Variants in TAPT1 observed in about 807,000 individuals in gnomAD.
The protein encoded by TAPT1 is transmembrane anterior posterior transformation protein 1 homolog.
A neutral mutation model predicts 65.6 loss-of-function variants in TAPT1; 28 were observed. The ratio of observed to expected loss-of-function variants is 0.43; its 90% CI spans 0.32 to 0.59. The LOEUF is 0.59. Among genes scored for constraint, TAPT1 ranks in the 20% least tolerant of loss-of-function variants. The pLI, the probability that TAPT1 is intolerant of heterozygous loss-of-function variation, is 0.09. For synonymous variants in TAPT1, 278 were observed against 245.2 expected, an observed-to-expected ratio of 1.13 and a Z score of -1.25; for missense variants, 563 against 679.9, an observed-to-expected ratio of 0.83 and a Z score of 1.91.
chr4:16,168,725 TTGTC>T (rs1747801456), intron 12 of TAPT1, among the ~76,000 whole-genome samples: 1 of 152,242 alleles, frequency 6.6e-6, no homozygotes, highest in Non-Finnish European at 1.5e-5. Context: ...TTTCTAGTTG[TTGTC>T]TATTTGTTGT....
At chr4:16,194,785 A>AT (rs1474737402) in intron 3 of TAPT1, among the ~76,000 whole-genome samples, 2 of 152,066 alleles carry the variant, frequency 1.3e-5, no homozygotes, top group Admixed American at 1.3e-4. Flanking sequence ...AATGACTGTG[A>AT]TTTTCAGGAG....
chr4:16,182,387 A>C (rs1748761141), intron 7 of TAPT1, among the ~76,000 whole-genome samples: 1 of 152,198 alleles, frequency 6.6e-6, no homozygotes, highest in South Asian at 2.1e-4. Context: ...AAAAATTAAA[A>C]TTTCTAGGAA....
At chr4:16,205,340 C>T (rs998517462) in intron 2 of TAPT1, among the ~76,000 whole-genome samples, 1 of 152,162 alleles carries the variant, frequency 6.6e-6, no homozygotes, top group African/African-American at 2.4e-5. Flanking sequence ...ACCTGCTAGT[C>T]GAGGATCGCT....
At chr4:16,201,729 G>C (rs1031013306) in intron 3 of TAPT1, among the ~76,000 whole-genome samples, 25 of 152,068 alleles carry the variant, frequency 1.6e-4, no homozygotes, top group African/African-American at 5.8e-4. Flanking sequence ...TATCTGTTCT[G>C]GTCTACTATG....
intron 2 of TAPT1, among the ~76,000 whole-genome samples, chr4:16,203,847 A>T (rs1008839693): frequency 6.6e-6 from 1 of 152,208 alleles, no homozygotes; most frequent in Non-Finnish European, 1.5e-5. Flanking sequence ...AATTTTTGAT[A>T]AAAATATCTC....
chr4:16,216,234 C>T (rs1185289663), intron 1 of TAPT1: 1 of 152,280 alleles, frequency 6.6e-6, no homozygotes, highest in Admixed American at 6.5e-5. Context: ...GCCCTTCCTC[C>T]TGTACCCGAT....
intron 11 of TAPT1, among the ~76,000 whole-genome samples, chr4:16,173,723 T>C (rs1748152333): frequency 2.6e-5 from 4 of 152,246 alleles, no homozygotes; most frequent in Admixed American, 1.3e-4. Context: ...CAAATGTCAC[T>C]GAAATGCAAA....
chr4:16,165,496 G>A (rs1425423953), intron 13 of TAPT1, among the ~76,000 whole-genome samples: 1 of 151,582 alleles, frequency 6.6e-6, no homozygotes, highest in Non-Finnish European at 1.5e-5. Context: ...CGTGAACCTG[G>A]GAGGCGAAGC....
At chr4:16,221,067 T>C (rs1751225668) in intron 1 of TAPT1, among the ~76,000 whole-genome samples, 1 of 151,076 alleles carries the variant, frequency 6.6e-6, no homozygotes, top group South Asian at 2.1e-4. Context: ...AGGAAAATAA[T>C]ACCAATCATA....
intron 8 of TAPT1, among the ~76,000 whole-genome samples, chr4:16,177,032 T>G (rs541929319): frequency 6.6e-6 from 1 of 152,356 alleles, no homozygotes; most frequent in Admixed American, 6.5e-5. Flanking sequence ...CTCACCATTA[T>G]GACATTTAAA....
At chr4:16,174,846 C>T (rs1748226580) in intron 9 of TAPT1, 117 bp from the exon 10 acceptor site, 1 of 686,078 alleles carries the variant, frequency 1.5e-6, no homozygotes, top group East Asian at 3.2e-5. Flanking sequence ...TGCTAATAAC[C>T]AAGCTGACAT....
At chr4:16,193,961 G>T (rs773935662) in intron 3 of TAPT1, among the ~76,000 whole-genome samples, 1 of 152,152 alleles carries the variant, frequency 6.6e-6, no homozygotes, top group African/African-American at 2.4e-5. Flanking sequence ...AGAGCTTTTC[G>T]TATTAGATGG....
Position 16,166,675 on chromosome 4 carries a change from T to C in TAPT1, c.1432A>G (p.Lys478Glu). 6.2e-7 allele frequency: 1 copy of C among 1,614,060 alleles called. No individual in the cohort carries two copies. The highest frequency in any genetic ancestry group is 8.5e-7 in the Non-Finnish European group (1 of 1,179,888). Residue 478 changes from lysine (K) to glutamate (E), a missense_variant, in exon 13 of 14, where the codon AAG (lysine) becomes GAG (glutamate). By Grantham distance (56) the Lys-to-Glu change is moderately conservative (BLOSUM62 1). Around this residue, in one of 5 missense-constraint regions of TAPT1, gnomAD observed 136 missense variants for 153.9 expected, o/e 0.88. Coordinates refer to ENST00000405303, the MANE Select transcript of TAPT1 (RefSeq NM_153365.3). ...SNPPATCTPG[K>E]PSSKSQNKCK... ...TTGTTCTGTGATTTACTGGACGGCT[T>C]GCCTGGAGTGCAGGTTGCGGGAGGA...
chr4:16,193,012 A>G (rs977869763), intron 3 of TAPT1, among the ~76,000 whole-genome samples: 2 of 152,250 alleles, frequency 1.3e-5, no homozygotes, highest in Non-Finnish European at 2.9e-5. Context: ...ACATTGCTTT[A>G]TAAGGTCACA....
chr4:16,164,068 G>A (rs888694822), intron 13 of TAPT1, among the ~76,000 whole-genome samples: 2 of 152,148 alleles, frequency 1.3e-5, no homozygotes, highest in African/African-American at 2.4e-5. Flanking sequence ...AGAGATCCTG[G>A]AGCCTGGCTT....
Position 16,161,902 on chromosome 4 carries a change from A to T in TAPT1, c.*1406T>A, listed in dbSNP as rs965975112. On this transcript the variant is annotated 3_prime_UTR_variant, in exon 14 of 14. Coordinates refer to ENST00000405303, the MANE Select transcript of TAPT1 (RefSeq NM_153365.3). The stretch of plus-strand genomic sequence containing the variant: ...GCATGAGAGCTAAACTTCAAAATCA[A>T]AACATCAAAGGAAATAACAGTTAAC... 2 of 152,216 alleles carry T rather than the reference A, an allele frequency of 1.3e-5. No homozygotes were observed. Among genetic ancestry groups the T allele is most frequent in the African/African-American group, 2.4e-5 (1 of 41,454 alleles). The allele number at this position is 152,216 out of a possible 1,614,324, so 9.4% of individuals were successfully genotyped here.
chr4:16,178,684 C>T (rs975130589), intron 8 of TAPT1, among the ~76,000 whole-genome samples: 1 of 152,174 alleles, frequency 6.6e-6, no homozygotes, highest in African/African-American at 2.4e-5. Flanking sequence ...CTAGCATATG[C>T]TCAGTGAATG....
At chr4:16,180,682 C>T (rs1358941016) in intron 7 of TAPT1, among the ~76,000 whole-genome samples, 1 of 152,214 alleles carries the variant, frequency 6.6e-6, no homozygotes, top group Admixed American at 6.5e-5. Context: ...ATGATACAAA[C>T]TTTTATTCCA....
rs777114921 is a variant in TAPT1, at chr4:16,191,431, T to C, written c.542A>G (p.Tyr181Cys). The change falls in exon 4 of 14, where the codon TAC becomes TGC. Residue 181 changes from tyrosine (Y) to cysteine (C), a missense_variant. Tyr to Cys is a radical substitution (Grantham distance 194, BLOSUM62 -2). Transcript: ENST00000405303. ...ICYFMMHYVD[Y>C]SMMYHLIRGQ... is the part of the protein sequence containing the mutation. ...CCTTATCAGGTGGTACATCATGGAG[T>C]AGTCAACATAGTGCATCATAAAATA... 3 of 1,588,298 alleles carry C rather than the reference T, an allele frequency of 1.9e-6. No individual in the cohort carries two copies. Among genetic ancestry groups the C allele is most frequent in the East Asian group, 2.3e-5 (1 of 43,914 alleles).
Sources: allele counts gnomAD v4.1 joint callset (sites outside exome capture counted in the v4.1 genomes callset), GRCh38; gene constraint gnomAD v4.1.1; regional missense constraint gnomAD v4.1.1; transcripts MANE v1.5; gene names NCBI Gene and HGNC (gene_info 2026-07-23, HGNC 2026-07-21).